GPC5: variants seen among roughly 807,000 people sequenced by gnomAD.
The protein encoded by GPC5 is glypican 5.
Under a neutral mutation model 53.9 loss-of-function variants are expected in GPC5, and 47 were observed. That is an observed-to-expected ratio of 0.87 (90% confidence interval 0.69 to 1.11). The LOEUF (loss-of-function observed/expected upper bound fraction) is 1.11, where lower values mean the gene tolerates loss of function less well. GPC5 is among the 50% of genes most tolerant of loss of function. The pLI, the probability that GPC5 is intolerant of heterozygous loss-of-function variation, is 0.00. For missense variants in GPC5, 748 were observed against 713.1 expected (o/e 1.05, Z -0.56); for synonymous variants, 286 against 263.3 (o/e 1.09, Z -0.84).
At chr13:91,446,519 C>T (rs975531644) in intron 1 of GPC5, among the ~76,000 whole-genome samples, 1 of 152,252 alleles carries the variant, frequency 6.6e-6, no homozygotes, top group Non-Finnish European at 1.5e-5. Context: ...TTCCTCGAAG[C>T]CAGGCATTGA....
At chr13:92,736,709 T>C (rs1320592487) in intron 7 of GPC5, among the ~76,000 whole-genome samples, 3 of 151,978 alleles carry the variant, frequency 2.0e-5, no homozygotes, top group Non-Finnish European at 4.4e-5. Context: ...TCTCTATGAA[T>C]GTTTCTGATC....
intron 2 of GPC5, among the ~76,000 whole-genome samples, chr13:91,535,731 G>T (rs1886562356): frequency 6.6e-6 from 1 of 152,058 alleles, no homozygotes. Context: ...GGAGGCTTTG[G>T]GTCTTTAGGG....
chr13:91,848,720 T>A (rs1342998255), intron 5 of GPC5, among the ~76,000 whole-genome samples: 1 of 152,206 alleles, frequency 6.6e-6, no homozygotes, highest in African/African-American at 2.4e-5. Context: ...GTAGTAAAGC[T>A]TTCCAATAGA....
intron 6 of GPC5, among the ~76,000 whole-genome samples, chr13:91,962,514 T>C (rs2040135300): frequency 6.6e-6 from 1 of 152,182 alleles, no homozygotes; most frequent in Non-Finnish European, 1.5e-5. Context: ...ATTTATCTAA[T>C]AGACTTAATT....
intron 7 of GPC5, among the ~76,000 whole-genome samples, chr13:92,215,187 A>G (rs1368798653): frequency 6.6e-6 from 1 of 152,246 alleles, no homozygotes; most frequent in East Asian, 1.9e-4. Flanking sequence ...GTGGAAGTAC[A>G]CAGAGTGAAA....
At chr13:92,043,578 T>C (rs951014823) in intron 6 of GPC5, among the ~76,000 whole-genome samples, 5 of 152,180 alleles carry the variant, frequency 3.3e-5, no homozygotes, top group African/African-American at 1.2e-4. Flanking sequence ...TGCCTATCAA[T>C]GAGAGGTATT....
intron 7 of GPC5, among the ~76,000 whole-genome samples, chr13:92,425,462 C>T (rs942599307): frequency 7.9e-5 from 12 of 151,974 alleles, no homozygotes; most frequent in Non-Finnish European, 1.2e-4. Flanking sequence ...AAAATTACCA[C>T]GACAGTCCTA....
intron 7 of GPC5, among the ~76,000 whole-genome samples, chr13:92,536,967 A>G (rs1207858487): frequency 2.0e-5 from 3 of 151,982 alleles, no homozygotes; most frequent in African/African-American, 7.2e-5. Context: ...CTTTGTTCAT[A>G]TTTATCAAAG....
At chr13:92,490,751 T>A (rs1879730531) in intron 7 of GPC5, among the ~76,000 whole-genome samples, 1 of 152,148 alleles carries the variant, frequency 6.6e-6, no homozygotes, top group Admixed American at 6.5e-5. Context: ...AGGAAGGAAT[T>A]AACCGTGTAA....
chr13:91,451,067 T>C (rs1881141407), intron 2 of GPC5, among the ~76,000 whole-genome samples: 1 of 152,152 alleles, frequency 6.6e-6, no homozygotes, highest in Admixed American at 6.5e-5. Context: ...TTCTGTGCAA[T>C]TAAAATATCT....
chr13:91,458,473 A>G (rs1881708157), intron 2 of GPC5, among the ~76,000 whole-genome samples: 1 of 152,146 alleles, frequency 6.6e-6, no homozygotes, highest in Non-Finnish European at 1.5e-5. Flanking sequence ...ATCAATGTAG[A>G]TATACAAATG....
intron 5 of GPC5, among the ~76,000 whole-genome samples, chr13:91,837,416 TA>T (rs1268655292): frequency 6.6e-6 from 1 of 152,106 alleles, no homozygotes; most frequent in Non-Finnish European, 1.5e-5. Flanking sequence ...ACCTTTAGCT[TA>T]ATGACCCAGC....
chr13:92,085,013 T>C (rs2041325273), intron 6 of GPC5, among the ~76,000 whole-genome samples: 1 of 152,202 alleles, frequency 6.6e-6, no homozygotes, highest in Non-Finnish European at 1.5e-5. Context: ...CTGTGTGTCC[T>C]TACATGGTGG....
At chr13:92,589,956 G>A (rs540720752) in intron 7 of GPC5, among the ~76,000 whole-genome samples, 2 of 152,274 alleles carry the variant, frequency 1.3e-5, no homozygotes, top group South Asian at 2.1e-4. Context: ...AGGTTAAAAG[G>A]TTGATGAGTG....
intron 7 of GPC5, among the ~76,000 whole-genome samples, chr13:92,396,014 T>C (rs1057514862): frequency 2.0e-5 from 3 of 152,034 alleles, no homozygotes; most frequent in Non-Finnish European, 2.9e-5. Context: ...GAATTAATTT[T>C]GGAAAAATCT....
intron 7 of GPC5, among the ~76,000 whole-genome samples, chr13:92,233,268 G>T (rs994505336): frequency 6.6e-6 from 1 of 152,206 alleles, no homozygotes; most frequent in African/African-American, 2.4e-5. Flanking sequence ...TGATTCTACT[G>T]TATAAAACAA....
intron 6 of GPC5, among the ~76,000 whole-genome samples, chr13:92,131,662 A>C (rs7985122): frequency 0.72 from 108,540 of 151,732 alleles, 41,908 homozygotes; most frequent in East Asian, 1. Context: ...ATGTAAACAG[A>C]GGTCAGTATA....
intron 6 of GPC5, among the ~76,000 whole-genome samples, chr13:91,936,274 C>A (rs1490204431): frequency 6.6e-6 from 1 of 151,958 alleles, no homozygotes; most frequent in Admixed American, 6.6e-5. Flanking sequence ...GTGGATCTTG[C>A]CTCCTTTGCC....
chr13:92,477,138 T>A (rs1879181692), intron 7 of GPC5, among the ~76,000 whole-genome samples: 1 of 152,136 alleles, frequency 6.6e-6, no homozygotes, highest in African/African-American at 2.4e-5. Flanking sequence ...GAGCAAATCC[T>A]ATTGTGTGCC....
Sources: gnomAD v4.1 joint callset for allele counts (sites outside exome capture counted in the v4.1 genomes callset) on GRCh38, gnomAD v4.1.1 for gene constraint, MANE v1.5 for transcripts, NCBI Gene and HGNC (gene_info 2026-07-23, HGNC 2026-07-21) for gene names.